The following PANX1 variants were observed in gnomAD, a reference collection of about 807,000 sequenced individuals.
PANX1 encodes pannexin-1.
A neutral mutation model predicts 38.7 loss-of-function variants in PANX1; 30 were observed. The observed-to-expected ratio is 0.78, with a 90% confidence interval of 0.58 to 1.05. PANX1 has a LOEUF of 1.05. PANX1 is among the 50% of genes least tolerant of loss of function. The pLI, the probability that PANX1 is intolerant of heterozygous loss-of-function variation, is 0.00. For synonymous variants in PANX1, 230 were observed against 212.2 expected, an observed-to-expected ratio of 1.08 and a Z score of -0.73; for missense variants, 551 against 517.2, an observed-to-expected ratio of 1.07 and a Z score of -0.63.
At chr11:94,152,485 G>A (rs1386687631) in intron 1 of PANX1, among the ~76,000 whole-genome samples, 2 of 152,206 alleles carry the variant, frequency 1.3e-5, no homozygotes, top group Non-Finnish European at 2.9e-5. Flanking sequence ...TGATGGATGT[G>A]GAAGAGAGTG....
intron 2 of PANX1, among the ~76,000 whole-genome samples, chr11:94,155,806 CTT>C (rs1946943200): frequency 6.6e-6 from 1 of 152,126 alleles, no homozygotes; most frequent in Non-Finnish European, 1.5e-5. Flanking sequence ...TATAGTGACT[CTT>C]TTCTCCTTTT....
At chr11:94,156,116 G>A (rs11825559) in intron 2 of PANX1, among the ~76,000 whole-genome samples, 8,426 of 152,184 alleles carry the variant, frequency 0.055, 799 homozygotes, top group African/African-American at 0.19. Flanking sequence ...AGAATAAACT[G>A]AAAGATTTTT....
At chr11:94,164,007 T>A (rs1947075993) in intron 2 of PANX1, among the ~76,000 whole-genome samples, 1 of 152,158 alleles carries the variant, frequency 6.6e-6, no homozygotes, top group African/African-American at 2.4e-5. Flanking sequence ...GGTTTTGCAA[T>A]TTATTGGCAT....
intron 1 of PANX1, among the ~76,000 whole-genome samples, chr11:94,141,137 C>T (rs533893648): frequency 1.1e-4 from 16 of 152,226 alleles, no homozygotes; most frequent in Admixed American, 5.9e-4. Flanking sequence ...GGTTTCCAGA[C>T]CACATTTTGA....
chr11:94,178,255 A>G (rs1947257655), intron 2 of PANX1, 114 bp from the exon 3 acceptor site: 1 of 794,264 alleles, frequency 1.3e-6, no homozygotes, highest in South Asian at 1.7e-5. Context: ...AATGAGCCCA[A>G]TTTCCACAAT....
In PANX1 at chr11:94,131,071, C is replaced by G. The variant is rs144657164; in HGVS notation, c.181+1578C>G. On this transcript the variant is annotated intron_variant, in intron 1 of 4. Transcript: ENST00000227638. The stretch of plus-strand genomic sequence containing the variant: ...CATGAGTCCTGGAGATAATCTCTCC[C>G]TTTGGTCAATTCCTCCTTCAGTACT... Among the ~76,000 whole-genome samples, 747 of 152,302 alleles carry G rather than the reference C, an allele frequency of 4.9e-3. 3 individuals are homozygous for G. Among genetic ancestry groups the G allele is most frequent in the Admixed American group, 0.01 (160 of 15,308 alleles).
At chr11:94,136,218 G>A (rs1362022980) in intron 1 of PANX1, among the ~76,000 whole-genome samples, 1 of 151,924 alleles carries the variant, frequency 6.6e-6, no homozygotes, top group Non-Finnish European at 1.5e-5. Context: ...CCACTGCCCT[G>A]TACACTATCC....
At chr11:94,130,918 CA>C (rs1241407918) in intron 1 of PANX1, among the ~76,000 whole-genome samples, 1 of 152,164 alleles carries the variant, frequency 6.6e-6, no homozygotes, top group Non-Finnish European at 1.5e-5. Flanking sequence ...AGGAAGTTGC[CA>C]AATTCATTGT....
intron 2 of PANX1, among the ~76,000 whole-genome samples, chr11:94,157,875 G>A (rs1288627456): frequency 6.6e-6 from 1 of 152,118 alleles, no homozygotes; most frequent in African/African-American, 2.4e-5. Flanking sequence ...ATGGTTTTAG[G>A]TCTAAGATTT....
Position 94,153,504 on chromosome 11 carries a change from C to G in PANX1, c.195C>G (p.Ser65Arg). The G allele has an allele frequency of 6.2e-7, 1 of 1,614,150 alleles. No individual in the cohort carries two copies. Among genetic ancestry groups the G allele is most frequent in the Non-Finnish European group, 8.5e-7 (1 of 1,180,014 alleles). ...AQEISIGTQI[S>R]CFSPSSFSWR... The stretch of plus-strand genomic sequence containing the variant: ...TTTGCTTCTTAGGTACACAGATAAG[C>G]TGTTTCTCTCCAAGTTCTTTCTCCT... Residue 65 changes from serine to arginine, a missense_variant, in exon 2 of 5, where the codon AGC (serine) becomes AGG (arginine). Transcript: ENST00000227638.
At chr11:94,175,534 A>G (rs745694371) in intron 2 of PANX1, among the ~76,000 whole-genome samples, 1 of 151,780 alleles carries the variant, frequency 6.6e-6, no homozygotes, top group Non-Finnish European at 1.5e-5. Flanking sequence ...GTGAAATGCC[A>G]TTATTCAAAT....
chr11:94,178,454 G>T lies in PANX1; in HGVS notation c.407G>T (p.Cys136Phe). The T allele has an allele frequency of 1.2e-6, 2 of 1,614,028 alleles. No homozygotes were observed. Among genetic ancestry groups the T allele is most frequent in the South Asian group, 1.1e-5 (1 of 91,070 alleles). ...FWRFAAAPHI[C>F]SDLKFIMEEL... ...CGTTTCGCAGCTGCTCCTCATATTT[G>T]CTCAGACTTGAAGTTTATCATGGAA... Residue 136 changes from cysteine (C) to phenylalanine (F), a missense_variant, in exon 3 of 5, where the codon TGC becomes TTC. Cys to Phe is a radical substitution (Grantham distance 205). Coordinates refer to ENST00000227638, the MANE Select transcript of PANX1 (RefSeq NM_015368.4).
At chr11:94,134,468 C>T (rs2134472969) in intron 1 of PANX1, among the ~76,000 whole-genome samples, 1 of 152,294 alleles carries the variant, frequency 6.6e-6, no homozygotes, top group East Asian at 1.9e-4. Context: ...CAGTTATGGA[C>T]TGAATGTTTG....
At chr11:94,161,143 T>A (rs1049187246) in intron 2 of PANX1, among the ~76,000 whole-genome samples, 1 of 152,250 alleles carries the variant, frequency 6.6e-6, no homozygotes, top group Non-Finnish European at 1.5e-5. Context: ...CCTTTCTCTC[T>A]GGCTGCCCTT....
At chr11:94,178,265 T>C in intron 2 of PANX1, 104 bp from the exon 3 acceptor site, 1 of 852,864 alleles carries the variant, frequency 1.2e-6, no homozygotes, top group Non-Finnish European at 1.9e-6. Flanking sequence ...ATTTCCACAA[T>C]ACACATTTGT....
Position 94,179,435 on chromosome 11 carries a change from T to G in PANX1, c.546-167T>G, listed in dbSNP as rs1159624014. ...GGGGAAAAGCATTTTATTATTCCTT[T>G]TCTTCCTCCTCTTTTAAACGGATTT... On this transcript the variant is annotated intron_variant, in intron 3 of 4. Transcript: ENST00000227638. Among the ~76,000 whole-genome samples, 3 of 152,242 alleles carry G rather than the reference T, an allele frequency of 2.0e-5. No homozygotes were observed. In the East Asian group the frequency reaches 5.8e-4, roughly 29 times the overall value.
intron 2 of PANX1, among the ~76,000 whole-genome samples, chr11:94,156,482 T>G (rs1291691343): frequency 6.6e-6 from 1 of 152,132 alleles, no homozygotes; most frequent in African/African-American, 2.4e-5. Flanking sequence ...CCTTGGCATT[T>G]GGTTGGGACT....
chr11:94,166,509 T>C (rs1947102518), intron 2 of PANX1, among the ~76,000 whole-genome samples: 2 of 152,240 alleles, frequency 1.3e-5, no homozygotes, highest in East Asian at 1.9e-4. Context: ...AGGTTTCCAC[T>C]GAAAAGTCTG....
rs1164505427 is a variant in PANX1 at position 94,180,799 on chromosome 11, T to G, written c.1211T>G (p.Ile404Arg). 4 of 1,511,308 alleles carry G rather than the reference T, an allele frequency of 2.6e-6. No homozygotes were observed. Among genetic ancestry groups the G allele is most frequent in the Non-Finnish European group, 3.7e-6 (4 of 1,086,272 alleles). The allele number at this position is 1,511,308 out of a possible 1,614,324, so 93.6% of individuals were successfully genotyped here. A position where few individuals can be genotyped will look rare whatever the true frequency, so the allele number is the denominator to read the frequency against. The change falls in exon 5 of 5, where the codon ATA becomes AGA. Residue 404 changes from isoleucine (I) to arginine (R), a missense_variant. Physicochemically the swap from Ile to Arg is moderately conservative, Grantham distance 97. Transcript: ENST00000227638. ...TTTTCAATTTTGACAGGTATGAACATAGACAGTGAAACTAAAGCAAATAAT... is the reference window on the plus strand; with the variant it reads ...TTTTCAATTTTGACAGGTATGAACAGAGACAGTGAAACTAAAGCAAATAAT... The part of the protein sequence containing the change: ...NQTAELQGMN[I>R]DSETKANNGE...
Sources: allele counts gnomAD v4.1 joint callset (sites outside exome capture counted in the v4.1 genomes callset), GRCh38; gene constraint gnomAD v4.1.1; transcripts MANE v1.5; gene names NCBI Gene and HGNC (gene_info 2026-07-23, HGNC 2026-07-21).